The following HTR7 variants were observed in gnomAD, a reference collection of about 807,000 sequenced individuals.
HTR7 encodes the protein 5-hydroxytryptamine receptor 7.
A neutral mutation model predicts 34.0 loss-of-function variants in HTR7; 16 were observed. The observed-to-expected ratio is 0.47, with a 90% CI of 0.32 to 0.71. The LOEUF (loss-of-function observed/expected upper bound fraction) is 0.71. Among genes scored for constraint, HTR7 ranks in the 30% least tolerant of loss-of-function variants. The pLI is 0.04. For missense variants in HTR7, 504 were observed against 625.5 expected, an observed-to-expected ratio of 0.81 and a Z score of 2.07; for synonymous variants, 265 against 260.2, an observed-to-expected ratio of 1.02 and a Z score of -0.18.
intron 1 of HTR7, among the ~76,000 whole-genome samples, chr10:90,835,772 A>C (rs147946383): frequency 6.6e-6 from 1 of 152,312 alleles, no homozygotes; most frequent in East Asian, 1.9e-4. Context: ...CAGGGGACTA[A>C]GGGAGAGCTT....
intron 1 of HTR7, among the ~76,000 whole-genome samples, chr10:90,853,475 T>TTTTC (rs1846531845): frequency 6.6e-6 from 1 of 150,740 alleles, no homozygotes; most frequent in African/African-American, 2.4e-5. Context: ...CTTTTCTTTT[T>TTTTC]TTTTTTTCCG....
intron 1 of HTR7, among the ~76,000 whole-genome samples, chr10:90,788,027 ATTTGCC>A (rs1654869591): frequency 6.6e-6 from 1 of 152,014 alleles, no homozygotes; most frequent in African/African-American, 2.4e-5. Flanking sequence ...TAAATAAATG[ATTTGCC>A]TTTGATTATT....
intron 1 of HTR7, among the ~76,000 whole-genome samples, chr10:90,804,258 G>A (rs549327255): frequency 5.9e-5 from 9 of 152,124 alleles, no homozygotes; most frequent in Admixed American, 2.0e-4. Context: ...AAACCTCCAC[G>A]TTCACCATCC....
chr10:90,785,534 C>T (rs1277061612), intron 1 of HTR7, among the ~76,000 whole-genome samples: 1 of 152,196 alleles, frequency 6.6e-6, no homozygotes, highest in African/African-American at 2.4e-5. Flanking sequence ...CAGACACACA[C>T]ACTTCTCCAT....
At chr10:90,776,019 A>T (rs1328144071) in intron 1 of HTR7, among the ~76,000 whole-genome samples, 2 of 152,242 alleles carry the variant, frequency 1.3e-5, no homozygotes, top group Non-Finnish European at 2.9e-5. Context: ...ATTATTAGAG[A>T]GATAGTTTGC....
At chr10:90,851,606 A>G (rs1419215009) in intron 1 of HTR7, among the ~76,000 whole-genome samples, 2 of 146,094 alleles carry the variant, frequency 1.4e-5, no homozygotes, top group Admixed American at 6.8e-5. Flanking sequence ...CTCCGTCCCA[A>G]AAAAAAAAAA....
chr10:90,760,064 G>A (rs1251378943), intron 1 of HTR7, among the ~76,000 whole-genome samples: 2 of 152,150 alleles, frequency 1.3e-5, no homozygotes, highest in Admixed American at 6.5e-5. Flanking sequence ...GCATCCCCAC[G>A]TTTATTGTAG....
intron 1 of HTR7, among the ~76,000 whole-genome samples, chr10:90,832,218 G>A (rs1846189956): frequency 6.6e-6 from 1 of 152,212 alleles, no homozygotes. Context: ...AGGCGCCGTG[G>A]AGCAGGGGGT....
chr10:90,779,967 C>T (rs116069598), intron 1 of HTR7, among the ~76,000 whole-genome samples: 1,732 of 152,320 alleles, frequency 0.011, 36 homozygotes, highest in African/African-American at 0.04. Context: ...CTTCACCCTC[C>T]AGCCCTGCAT....
chr10:90,827,958 T>C (rs1455059365), intron 1 of HTR7, among the ~76,000 whole-genome samples: 1 of 152,188 alleles, frequency 6.6e-6, no homozygotes, highest in Non-Finnish European at 1.5e-5. Context: ...ATAGACCATA[T>C]ATTAGGACAC....
intron 1 of HTR7, among the ~76,000 whole-genome samples, chr10:90,846,453 C>T (rs1367212258): frequency 2.0e-5 from 3 of 152,190 alleles, no homozygotes; most frequent in African/African-American, 7.2e-5. Context: ...GGTATTAGTT[C>T]ATCAATTAGT....
chr10:90,839,020 T>C (rs959860421), intron 1 of HTR7, among the ~76,000 whole-genome samples: 3 of 152,166 alleles, frequency 2.0e-5, no homozygotes, highest in African/African-American at 4.8e-5. Context: ...CTAACCAACA[T>C]AGATTAGGTA....
intron 1 of HTR7, among the ~76,000 whole-genome samples, chr10:90,801,044 T>C (rs1845617899): frequency 6.6e-6 from 1 of 152,218 alleles, no homozygotes; most frequent in African/African-American, 2.4e-5. Context: ...TCTCTTCTCC[T>C]GAGGTTCCCT....
chr10:90,827,970 A>G (rs1449311754), intron 1 of HTR7, among the ~76,000 whole-genome samples: 1 of 152,234 alleles, frequency 6.6e-6, no homozygotes. Flanking sequence ...TTAGGACACA[A>G]AACAAGTCTT....
intron 1 of HTR7, among the ~76,000 whole-genome samples, chr10:90,800,049 T>C (rs2119917584): frequency 6.6e-6 from 1 of 152,288 alleles, no homozygotes; most frequent in South Asian, 2.1e-4. Context: ...AATTACACAA[T>C]TGGCTAAGAT....
intron 2 of HTR7, among the ~76,000 whole-genome samples, chr10:90,747,822 T>C (rs141256973): frequency 3.3e-5 from 5 of 152,316 alleles, no homozygotes; most frequent in Admixed American, 2.0e-4. Flanking sequence ...AACCTTCCAA[T>C]TTTTCATTCC....
chr10:90,774,788 G>A (rs1192153246), intron 1 of HTR7, among the ~76,000 whole-genome samples: 2 of 152,136 alleles, frequency 1.3e-5, no homozygotes, highest in African/African-American at 4.8e-5. Context: ...GCAAAACTCT[G>A]ACAAACTTTC....
rs1844550232 is a variant in HTR7, at chr10:90,741,763, A to G, written c.*719T>C. 1 of 152,710 alleles carries G rather than the reference A, an allele frequency of 6.5e-6. No individual in the cohort carries two copies. Among genetic ancestry groups the G allele is most frequent in the South Asian group, 2.1e-4 (1 of 4,834 alleles). 9.5% of individuals were successfully genotyped at this position (152,710 alleles called of 1,614,324 possible). A position where few individuals can be genotyped will look rare whatever the true frequency, so the allele number is the denominator to read the frequency against. On this transcript the variant is annotated 3_prime_UTR_variant, in exon 4 of 4. Coordinates refer to ENST00000336152, the MANE Select transcript of HTR7 (RefSeq NM_019859.4). ...TGCGATAAAAATCCTCACAGAAGGCATCCCACTCCCCTCTCAAGACCCTTC... is the reference window on the plus strand; with the variant it reads ...TGCGATAAAAATCCTCACAGAAGGCGTCCCACTCCCCTCTCAAGACCCTTC...
At chr10:90,842,552 T>C (rs1364171459) in intron 1 of HTR7, among the ~76,000 whole-genome samples, 1 of 152,036 alleles carries the variant, frequency 6.6e-6, no homozygotes, top group Non-Finnish European at 1.5e-5. Flanking sequence ...CACAGAGTGG[T>C]CATGGGGATT....
Sources: allele counts gnomAD v4.1 joint callset (sites outside exome capture counted in the v4.1 genomes callset), GRCh38; gene constraint gnomAD v4.1.1; transcripts MANE v1.5; gene names NCBI Gene and HGNC (gene_info 2026-07-23, HGNC 2026-07-21).